NINJ2: variants seen among roughly 807,000 people sequenced by gnomAD.
NINJ2 encodes the protein ninjurin-2.
In NINJ2, 12 loss-of-function variants were observed where a neutral mutation model predicts 11.7. The observed-to-expected ratio is 1.02, with a 90% CI of 0.66 to 1.66. The LOEUF is 1.66. Ranked by LOEUF, NINJ2 falls within the 40% of genes most tolerant of loss-of-function variation. NINJ2 has a pLI of 0.00. For missense variants in NINJ2, 187 were observed against 181.8 expected, an observed-to-expected ratio of 1.03 and a Z score of -0.16; for synonymous variants, 93 against 76.8, an observed-to-expected ratio of 1.21 and a Z score of -1.10.
In NINJ2 at chr12:593,696, A is replaced by C. The variant is rs963127181; in HGVS notation, c.34-27518T>G. On this transcript the variant is annotated intron_variant, in intron 1 of 3. Coordinates refer to ENST00000305108, the MANE Select transcript of NINJ2 (RefSeq NM_016533.6). Reference sequence around the variant, plus strand: ...TGCCACTGCCTCCAGCCTGGATGACAGAGTGAGACCCTGTCTCAAAAAGGA... The same window carrying C: ...TGCCACTGCCTCCAGCCTGGATGACCGAGTGAGACCCTGTCTCAAAAAGGA... 1.1e-4 allele frequency among the ~76,000 whole-genome samples: 17 copies of C among 152,142 alleles called. 1 individual carries two copies. The highest frequency in any genetic ancestry group is 1.1e-3 in the Admixed American group (17 of 15,276).
intron 1 of NINJ2, among the ~76,000 whole-genome samples, chr12:627,004 G>T (rs1948217886): frequency 6.6e-6 from 1 of 152,136 alleles, no homozygotes. Context: ...AAGGTTGTCT[G>T]AGCCTAGGAG....
intron 1 of NINJ2, among the ~76,000 whole-genome samples, chr12:597,626 G>A (rs1297003655): frequency 3.3e-5 from 5 of 152,242 alleles, no homozygotes; most frequent in African/African-American, 4.8e-5. Flanking sequence ...AAGAAGTCTC[G>A]AAGACATTGC....
intron 1 of NINJ2, among the ~76,000 whole-genome samples, chr12:570,025 A>G (rs1428037349): frequency 6.6e-6 from 1 of 152,174 alleles, no homozygotes; most frequent in African/African-American, 2.4e-5. Flanking sequence ...ATTAATGGGA[A>G]ACCTGGACCC....
intron 1 of NINJ2, among the ~76,000 whole-genome samples, chr12:656,085 C>G (rs1937868400): frequency 6.6e-6 from 1 of 152,016 alleles, no homozygotes; most frequent in Middle Eastern, 3.4e-3. Context: ...AAAAGACCCG[C>G]AGGGCGTAGT....
chr12:620,875 C>A (rs969520674), intron 1 of NINJ2, among the ~76,000 whole-genome samples: 2 of 152,136 alleles, frequency 1.3e-5, no homozygotes, highest in Admixed American at 6.5e-5. Context: ...GGTGATCCAC[C>A]CACCTCGGCC....
chr12:581,926 C>T lies in NINJ2; in HGVS notation c.34-15748G>A, dbSNP rs1592076295. ...CCAGATTCTCCGCGGACGCTGAACACACAAAAAGCCCAGCCCTGGAGGGAT... is the reference window on the plus strand; with the variant it reads ...CCAGATTCTCCGCGGACGCTGAACATACAAAAAGCCCAGCCCTGGAGGGAT... On this transcript the variant is annotated intron_variant, in intron 1 of 3. Coordinates refer to ENST00000305108, the MANE Select transcript of NINJ2 (RefSeq NM_016533.6). The surrounding 1 kb of genome is among the most constrained non-coding windows in gnomAD (Gnocchi z 4.9). Among the ~76,000 whole-genome samples the T allele has an allele frequency of 6.6e-6, 1 of 152,160 alleles. No homozygotes were observed. Among genetic ancestry groups the T allele is most frequent in the African/African-American group, 2.4e-5 (1 of 41,428 alleles).
At chr12:647,223 C>T (rs186798635) in intron 1 of NINJ2, among the ~76,000 whole-genome samples, 5 of 152,354 alleles carry the variant, frequency 3.3e-5, no homozygotes, top group African/African-American at 1.2e-4. Flanking sequence ...GCTCTCTTCC[C>T]TCTCCTGAGA....
Position 566,161 on chromosome 12 carries a change from G to C in NINJ2, c.51C>G (p.Pro17=), listed in dbSNP as rs768898457. Residue 17 remains proline, a synonymous_variant, in exon 2 of 4, where the codon CCC becomes CCG. Coordinates refer to ENST00000305108, the MANE Select transcript of NINJ2 (RefSeq NM_016533.6). ...NIDLQPGSSD[P]RSQPINLNHY... ...GGTTCAGGTTGATGGGCTGGCTCCTGGGGTCGGAGCTTCCAGGCTGTAGGG... is the reference window on the plus strand; with the variant it reads ...GGTTCAGGTTGATGGGCTGGCTCCTCGGGTCGGAGCTTCCAGGCTGTAGGG... 17 of 1,613,736 alleles carry C rather than the reference G, an allele frequency of 1.1e-5. No homozygotes were observed. The South Asian group carries it at 1.9e-4, about 18-fold the overall frequency.
Position 580,599 on chromosome 12 carries a change from ATATAT to A in NINJ2, c.34-14426_34-14422del, listed in dbSNP as rs769240585. Among the ~76,000 whole-genome samples the A allele has an allele frequency of 0.093, 5,364 of 57,846 alleles. 119 individuals are homozygous for A. Among genetic ancestry groups the A allele is most frequent in the African/African-American group, 0.13 (2,699 of 20,152 alleles). 37.9% of individuals were successfully genotyped at this position (57,846 alleles called of 152,430 possible). On this transcript the variant is annotated intron_variant, in intron 1 of 3. Coordinates refer to ENST00000305108, the MANE Select transcript of NINJ2 (RefSeq NM_016533.6). This position sits in a 1 kb window ranked among gnomAD's most constrained non-coding sequence, Gnocchi z 4.7. Reference sequence around the variant, plus strand: ...GAGACCCTGTCTCAAAAAAAAAAAAATATATATATATATATATCCATTTGTCATTC... The same window carrying A: ...GAGACCCTGTCTCAAAAAAAAAAAAAATATATATATATCCATTTGTCATTC...
rs67797144 is a variant in NINJ2, at chr12:634,265, C to CTTTTTTTTTTTTTTTTTTTT, written c.33+29043_33+29062dup. On this transcript the variant is annotated intron_variant, in intron 1 of 3. Transcript: ENST00000305108. ...AAATAAATGTTGATTAGTTGCAGTT[C>CTTTTTTTTTTTTTTTTTTTT]TTTTTTTTTTTTTTTTTTTTTTTTT... Among the ~76,000 whole-genome samples, 122 of 59,524 alleles carry CTTTTTTTTTTTTTTTTTTTT rather than the reference C, an allele frequency of 2.0e-3. 15 individuals are homozygous for CTTTTTTTTTTTTTTTTTTTT. Among genetic ancestry groups the CTTTTTTTTTTTTTTTTTTTT allele is most frequent in the East Asian group, 7.7e-3 (9 of 1,174 alleles). 39.1% of individuals were successfully genotyped at this position (59,524 alleles called of 152,430 possible). A position where few individuals can be genotyped will look rare whatever the true frequency, so the allele number is the denominator to read the frequency against.
intron 1 of NINJ2, among the ~76,000 whole-genome samples, chr12:606,413 A>C (rs889464123): frequency 6.6e-6 from 1 of 152,222 alleles, no homozygotes; most frequent in Non-Finnish European, 1.5e-5. Context: ...AGATGGGCTG[A>C]ACAAAGAAAA....
rs148862998 is a variant in NINJ2 at position 566,110 on chromosome 12, C to T, written c.102G>A (p.Ala34=). ...LNHYATKKSV[A]ESMLDVALFM... Reference sequence around the variant, plus strand: ...ACAGGGCCACGTCCAGCATGCTCTCCGCCACGCTCTTCTTGGTGGCGTAAT... The same window carrying T: ...ACAGGGCCACGTCCAGCATGCTCTCTGCCACGCTCTTCTTGGTGGCGTAAT... Residue 34 remains alanine, a synonymous_variant, in exon 2 of 4, where the codon GCG becomes GCA. Coordinates refer to ENST00000305108, the MANE Select transcript of NINJ2 (RefSeq NM_016533.6). 4.3e-5 allele frequency: 70 copies of T among 1,614,058 alleles called. No homozygotes were observed. Among genetic ancestry groups the T allele is most frequent in the East Asian group, 2.0e-4 (9 of 44,900 alleles).
At chr12:612,337 G>C (rs1028373530) in intron 1 of NINJ2, among the ~76,000 whole-genome samples, 4 of 152,066 alleles carry the variant, frequency 2.6e-5, no homozygotes, top group Non-Finnish European at 5.9e-5. Context: ...GCAACCTCCC[G>C]TTCTCTGAGA....
At chr12:626,794 A>T (rs1473848822) in intron 1 of NINJ2, among the ~76,000 whole-genome samples, 1 of 152,192 alleles carries the variant, frequency 6.6e-6, no homozygotes, top group African/African-American at 2.4e-5. Context: ...AGAGTTAAAT[A>T]AAATAACTTA....
chr12:566,640 C>G (rs148438914), intron 1 of NINJ2, among the ~76,000 whole-genome samples: 1 of 152,164 alleles, frequency 6.6e-6, no homozygotes, highest in Non-Finnish European at 1.5e-5. Context: ...TGCTGTGGCC[C>G]CCAAGGCAGG....
At chr12:602,107 G>A (rs889163223) in intron 1 of NINJ2, among the ~76,000 whole-genome samples, 2 of 152,174 alleles carry the variant, frequency 1.3e-5, no homozygotes, top group Admixed American at 1.3e-4. Context: ...CATAAGGTAC[G>A]CTGGAGGCTT....
Position 653,378 on chromosome 12 carries a change from TTTGA to T in NINJ2, c.33+9946_33+9949del, listed in dbSNP as rs528583387. The stretch of plus-strand genomic sequence containing the variant: ...AACAAATCAAAATATCAACAATATA[TTTGA>T]TTATGTATACTTATGTATATGTTTT... On this transcript the variant is annotated intron_variant, in intron 1 of 3. Coordinates refer to ENST00000305108, the MANE Select transcript of NINJ2 (RefSeq NM_016533.6). Among the ~76,000 whole-genome samples, 62 of 152,274 alleles carry T rather than the reference TTTGA, an allele frequency of 4.1e-4. No homozygotes were observed. The Middle Eastern group carries it at 0.01, about 25-fold the overall frequency.
chr12:567,593 C>CA, intron 1 of NINJ2, among the ~76,000 whole-genome samples: 1 of 152,298 alleles, frequency 6.6e-6, no homozygotes, highest in South Asian at 2.1e-4. Context: ...CGTGCAGCCC[C>CA]AGCAAGTCAC....
chr12:595,934 A>C (rs1410586763), intron 1 of NINJ2, among the ~76,000 whole-genome samples: 1 of 152,236 alleles, frequency 6.6e-6, no homozygotes, highest in Non-Finnish European at 1.5e-5. Context: ...AAAGATGTCC[A>C]CATGATACGT....
Sources: gnomAD v4.1 joint callset for allele counts (sites outside exome capture counted in the v4.1 genomes callset) on GRCh38, gnomAD v4.1.1 for gene constraint, Gnocchi (gnomAD v3.1) non-coding constraint, MANE v1.5 for transcripts, NCBI Gene and HGNC (gene_info 2026-07-23, HGNC 2026-07-21) for gene names.